The following ALG1 variants were observed in gnomAD, a reference collection of about 807,000 sequenced individuals.
The protein encoded by ALG1 is ALG1 chitobiosyldiphosphodolichol beta-mannosyltransferase, also known as chitobiosyldiphosphodolichol beta-mannosyltransferase.
A neutral mutation model predicts 55.1 loss-of-function variants in ALG1; 58 were observed. That is an observed-to-expected ratio of 1.05 (90% CI 0.85 to 1.31). ALG1 has a LOEUF of 1.31. Ranked by LOEUF, ALG1 falls within the 50% of genes most tolerant of loss-of-function variation. The pLI is 0.00. For synonymous variants in ALG1, 309 were observed against 247.0 expected, an observed-to-expected ratio of 1.25 and a Z score of -2.35; for missense variants, 761 against 598.6, an observed-to-expected ratio of 1.27 and a Z score of -2.83.
chr16:5,074,762 T>C (rs569323958), intron 3 of ALG1, among the ~76,000 whole-genome samples: 1 of 152,224 alleles, frequency 6.6e-6, no homozygotes, highest in Non-Finnish European at 1.5e-5. Flanking sequence ...TCCCCCATGC[T>C]TACCATCACC....
rs777831337 is a variant in ALG1, at chr16:5,078,009, C to G, written c.732C>G (p.Phe244Leu). The change falls in exon 6 of 13, where the codon TTC becomes TTG. Residue 244 changes from phenylalanine to leucine, a missense_variant. Phe to Leu is a conservative substitution (Grantham distance 22). Coordinates refer to ENST00000262374, the MANE Select transcript of ALG1 (RefSeq NM_019109.5). ...FMKLGSMHSP[F>L]RARSEPEDPV... is the part of the protein sequence containing the mutation. ...AGCTGGGCAGCATGCACTCTCCGTT[C>G]AGGGCCCGGTAGGCCTCCCATCCTC... 5 of 1,598,940 alleles carry G rather than the reference C, an allele frequency of 3.1e-6. No individual in the cohort carries two copies. In the Admixed American group the frequency reaches 5.0e-5, roughly 16 times the overall value.
chr16:5,084,048 A>G (rs534073203), intron 12 of ALG1, among the ~76,000 whole-genome samples: 1 of 152,336 alleles, frequency 6.6e-6, no homozygotes, highest in Admixed American at 6.5e-5. Flanking sequence ...GGAAGTGATC[A>G]GGATCACGTA....
Position 5,085,678 on chromosome 16 carries a change from G to A in ALG1, c.*797G>A, listed in dbSNP as rs1451195477. On this transcript the variant is annotated 3_prime_UTR_variant, in exon 13 of 13. Transcript: ENST00000262374. ...TGCCATCTCCAAGTGCTCTTCGTAG[G>A]GAAACAGTTTCTGCTCATGACGAGG... The A allele has an allele frequency of 1.2e-6, 2 of 1,611,910 alleles. No homozygotes were observed. The highest frequency in any genetic ancestry group is 2.2e-5 in the South Asian group (2 of 90,992).
intron 3 of ALG1, among the ~76,000 whole-genome samples, chr16:5,073,671 G>A (rs1418215306): frequency 6.6e-6 from 1 of 152,238 alleles, no homozygotes; most frequent in African/African-American, 2.4e-5. Flanking sequence ...TCGTCAGTGT[G>A]GTTCTATAGT....
Position 5,072,957 on chromosome 16 carries a change from A to G in ALG1, c.215A>G (p.Lys72Arg), listed in dbSNP as rs768379497. 3.1e-6 allele frequency: 5 copies of G among 1,614,048 alleles called. No homozygotes were observed. The African/African-American group carries it at 4.0e-5, about 13-fold the overall frequency. The change falls in exon 2 of 13, where the codon AAA becomes AGA. Residue 72 changes from lysine (K) to arginine (R), a missense_variant. Lys to Arg is a conservative substitution (Grantham distance 26). Coordinates refer to ENST00000262374, the MANE Select transcript of ALG1 (RefSeq NM_019109.5). ...GATCATTCTCATTTTTCAGACTCCA[A>G]ACCCCATGATGAGCTCTTGCAGAAC... ...SVTLLGFCNS[K>R]PHDELLQNNR...
chr16:5,086,707 G>C lies in ALG1; in HGVS notation c.*1826G>C, dbSNP rs1341195146. 1 of 152,172 alleles carries C rather than the reference G, an allele frequency of 6.6e-6. No homozygotes were observed. Among genetic ancestry groups the C allele is most frequent in the Non-Finnish European group, 1.5e-5 (1 of 68,048 alleles). The allele number at this position is 152,172 out of a possible 1,614,324, so 9.4% of individuals were successfully genotyped here. A position where few individuals can be genotyped will look rare whatever the true frequency, so the allele number is the denominator to read the frequency against. On this transcript the variant is annotated 3_prime_UTR_variant, in exon 13 of 13. Coordinates refer to ENST00000262374, the MANE Select transcript of ALG1 (RefSeq NM_019109.5). ...TTGTTTTTAGACGAAGTTTTACTCT[G>C]TTCCCCAGGCTGGAGTGCAGTGGCA...
At chr16:5,078,922 C>A (rs766302278) in intron 7 of ALG1, 44 bp downstream of exon 7, 1 of 1,606,036 alleles carries the variant, frequency 6.2e-7, no homozygotes, top group East Asian at 2.2e-5. Context: ...GTGACGGGCA[C>A]CTGGCCAACC....
At position 5,079,766 on chromosome 16, in the gene ALG1, T is replaced by C. The variant is rs768063590; in HGVS notation, c.920T>C (p.Leu307Pro). 20 of 1,611,788 alleles carry C rather than the reference T, an allele frequency of 1.2e-5. No homozygotes were observed. Among genetic ancestry groups the C allele is most frequent in the Non-Finnish European group, 1.6e-5 (19 of 1,179,788 alleles). Residue 307 changes from leucine (L) to proline (P), a missense_variant, in exon 9 of 13, where the codon CTT (leucine) becomes CCT (proline). Physicochemically the swap from Leu to Pro is moderately conservative, Grantham distance 98 (BLOSUM62 -3). Transcript: ENST00000262374. ...AACACAGAGTTTGAACAACTGACTC[T>C]TGATGGACACAACCTTCCTTCTCTC... ...AALEKFEQLT[L>P]DGHNLPSLVC... is the part of the protein sequence containing the mutation.
In ALG1 at chr16:5,081,017, AC is replaced by A; in HGVS notation, c.1038del (p.Trp347GlyfsTer11). The A allele has an allele frequency of 6.5e-7, 1 of 1,537,622 alleles. No homozygotes were observed. The highest frequency in any genetic ancestry group is 8.7e-7 in the Non-Finnish European group (1 of 1,146,402). On this transcript the variant is annotated frameshift_variant, in exon 10 of 13. Transcript: ENST00000262374. LOFTEE classifies it high-confidence loss of function. ...QKHFQHIQVC[T>X]PWLEAEDYPL... ...GCACTTCCAGCACATCCAGGTCTGC[AC>A]CCCCTGGCTGGAGGCCGAGGACTAC...
intron 1 of ALG1, 67 bp downstream of exon 1, chr16:5,072,124 C>G (rs1380698621): frequency 3.2e-6 from 5 of 1,549,154 alleles, no homozygotes; most frequent in Non-Finnish European, 4.4e-6. Context: ...CTAACCGCCC[C>G]GGGGAGTCGA....
At chr16:5,072,711 G>C (rs1350574907) in intron 1 of ALG1, among the ~76,000 whole-genome samples, 1 of 152,142 alleles carries the variant, frequency 6.6e-6, no homozygotes, top group Non-Finnish European at 1.5e-5. Context: ...AGCACCTACT[G>C]TTTGCCAGGC....
Position 5,085,076 on chromosome 16 carries a change from G to T in ALG1, c.*195G>T. On this transcript the variant is annotated 3_prime_UTR_variant, in exon 13 of 13. Coordinates refer to ENST00000262374, the MANE Select transcript of ALG1 (RefSeq NM_019109.5). The stretch of plus-strand genomic sequence containing the variant: ...GGTTGGCCTTGATTTCTTCTCTGGA[G>T]GCTTGGAAACGCTTCCTCTCTTCTT... 3.0e-6 allele frequency: 3 copies of T among 1,016,646 alleles called. No homozygotes were observed. Among genetic ancestry groups the T allele is most frequent in the Non-Finnish European group, 4.3e-6 (3 of 699,560 alleles). 63.0% of individuals were successfully genotyped at this position (1,016,646 alleles called of 1,614,324 possible). A position where few individuals can be genotyped will look rare whatever the true frequency, so the allele number is the denominator to read the frequency against.
chr16:5,083,809 C>T (rs1388719734), intron 12 of ALG1, 52 bp downstream of exon 12: 7 of 1,596,912 alleles, frequency 4.4e-6, no homozygotes, highest in Admixed American at 1.7e-5. Flanking sequence ...GAGACTGGCA[C>T]CGAGCCAGGC....
At position 5,075,475 on chromosome 16, in the gene ALG1, G is replaced by A; in HGVS notation, c.478G>A (p.Gly160Ser). 2 of 1,614,156 alleles carry A rather than the reference G, an allele frequency of 1.2e-6. No individual in the cohort carries two copies. The highest frequency in any genetic ancestry group is 1.1e-5 in the South Asian group (1 of 91,084). Residue 160 changes from glycine to serine, a missense_variant, in exon 4 of 13, where the codon GGC becomes AGC. Transcript: ENST00000262374. ...SKLVIDWHNY[G>S]YSIMGLVHGP... Reference sequence around the variant, plus strand: ...GCTCGTCATTGACTGGCACAACTATGGCTACTCCATCATGGGTCTGGTGCA... The same window carrying A: ...GCTCGTCATTGACTGGCACAACTATAGCTACTCCATCATGGGTCTGGTGCA...
At chr16:5,078,126 G>C (rs1956948595) in intron 6 of ALG1, 109 bp downstream of exon 6, 1 of 1,213,730 alleles carries the variant, frequency 8.2e-7, no homozygotes, top group Non-Finnish European at 1.2e-6. Flanking sequence ...GGCAAACTAA[G>C]GCTACAGGCC....
Position 5,077,506 on chromosome 16 carries a change from G to A in ALG1, c.601G>A (p.Glu201Lys), listed in dbSNP as rs532207903. The change falls in exon 5 of 13, where the codon GAA becomes AAA. Residue 201 changes from glutamate to lysine, a missense_variant. Glu to Lys is a moderately conservative substitution (Grantham distance 56). Transcript: ENST00000262374. Reference protein sequence around the residue: ...LNLCVTNAMREDLADNWHIRA... With the variant: ...LNLCVTNAMRKDLADNWHIRA... ...CCTGTGTGTTACCAATGCTATGCGA[G>A]AAGACCTGGCGGATAACTGGCACAT... 6.2e-7 allele frequency: 1 copy of A among 1,614,208 alleles called. No homozygotes were observed. Among genetic ancestry groups the A allele is most frequent in the Non-Finnish European group, 8.5e-7 (1 of 1,180,032 alleles).
intron 4 of ALG1, among the ~76,000 whole-genome samples, chr16:5,075,988 A>G (rs1956906055): frequency 6.6e-6 from 1 of 152,146 alleles, no homozygotes. Flanking sequence ...GAGCATCCAT[A>G]TCTCATGGAC....
At chr16:5,079,716 C>A (rs750727799) in intron 8 of ALG1, 32 bp from the exon 9 acceptor site, 2 of 1,607,402 alleles carry the variant, frequency 1.2e-6, no homozygotes, top group Non-Finnish European at 1.7e-6. Context: ...ATCAGAAATT[C>A]CATGTAGAAT....
At chr16:5,080,156 C>T (rs1956992189) in intron 9 of ALG1, among the ~76,000 whole-genome samples, 1 of 151,334 alleles carries the variant, frequency 6.6e-6, no homozygotes, top group Admixed American at 6.6e-5. Flanking sequence ...CAACCTCCGC[C>T]TCCCACATTC....
Sources: allele counts gnomAD v4.1 joint callset (sites outside exome capture counted in the v4.1 genomes callset), GRCh38; gene constraint gnomAD v4.1.1; transcripts MANE v1.5; gene names NCBI Gene and HGNC (gene_info 2026-07-23, HGNC 2026-07-21).